The following NEK11 variants were observed in gnomAD, a reference collection of about 807,000 sequenced individuals.
NEK11 encodes the protein NIMA related kinase 11, also known as serine/threonine-protein kinase Nek11.
Under a neutral mutation model 80.7 loss-of-function variants are expected in NEK11, and 72 were observed. That is an observed-to-expected ratio of 0.89 (90% confidence interval 0.74 to 1.08). NEK11 has a LOEUF of 1.08. Ranked by LOEUF, NEK11 falls within the 50% of genes least tolerant of loss-of-function variation. The pLI, the probability that NEK11 is intolerant of heterozygous loss-of-function variation, is 0.00. For synonymous variants in NEK11, 251 were observed against 260.7 expected, an observed-to-expected ratio of 0.96 and a Z score of 0.36; for missense variants, 764 against 763.6, an observed-to-expected ratio of 1.00 and a Z score of -0.01.
rs59658310 is a variant in NEK11 at position 131,031,824 on chromosome 3, C to T, written c.170+1946C>T. Among the ~76,000 whole-genome samples the T allele has an allele frequency of 6.3e-4, 96 of 152,244 alleles. No homozygotes were observed. In the East Asian group the frequency reaches 0.017, roughly 27 times the overall value. ...AGGATAACGGACAAAAATCATTTGG[C>T]ACCAGAAGGTCTAGTCCACAATCTC... is the stretch of plus-strand genomic sequence containing the variant. On this transcript the variant is annotated intron_variant, in intron 3 of 17. Transcript: ENST00000383366.
chr3:131,270,273 C>T (rs985441992), intron 16 of NEK11, among the ~76,000 whole-genome samples: 5 of 152,148 alleles, frequency 3.3e-5, no homozygotes, highest in Admixed American at 2.6e-4. Flanking sequence ...AGCACTGGGC[C>T]CCACAAATTA....
intron 15 of NEK11, among the ~76,000 whole-genome samples, chr3:131,242,427 T>C (rs1405581258): frequency 6.6e-6 from 1 of 152,166 alleles, no homozygotes; most frequent in Non-Finnish European, 1.5e-5. Flanking sequence ...ATGCAGTTAC[T>C]CTCTCAGGCC....
At chr3:131,248,075 G>T (rs1264236854) in intron 16 of NEK11, among the ~76,000 whole-genome samples, 1 of 151,904 alleles carries the variant, frequency 6.6e-6, no homozygotes, top group African/African-American at 2.4e-5. Context: ...TCCAATTTGG[G>T]TGCTATTTAT....
chr3:131,181,740 C>T (rs543810871), intron 14 of NEK11, among the ~76,000 whole-genome samples: 2 of 97,980 alleles, frequency 2.0e-5, no homozygotes, highest in South Asian at 3.9e-4. Context: ...AGCGAGACTC[C>T]GCCTCAAAAA....
At chr3:131,175,948 G>C (rs1199562497) in intron 14 of NEK11, among the ~76,000 whole-genome samples, 1 of 152,194 alleles carries the variant, frequency 6.6e-6, no homozygotes, top group Non-Finnish European at 1.5e-5. Flanking sequence ...TCCAGAAGGT[G>C]ATCACAGGGT....
chr3:131,166,296 A>T (rs1345624977), intron 12 of NEK11, among the ~76,000 whole-genome samples: 1 of 152,188 alleles, frequency 6.6e-6, no homozygotes, highest in African/African-American at 2.4e-5. Context: ...TCTCTCCTTT[A>T]GCAGGAAGCA....
chr3:131,162,271 G>A, intron 10 of NEK11, 137 bp from the exon 11 acceptor site: 1 of 1,032,974 alleles, frequency 9.7e-7, no homozygotes. Flanking sequence ...CATACCCAAA[G>A]CTTATTAGTT....
chr3:131,292,587 C>T (rs2096555620), intron 17 of NEK11, among the ~76,000 whole-genome samples: 1 of 151,092 alleles, frequency 6.6e-6, no homozygotes, highest in African/African-American at 2.4e-5. Context: ...GTGATGATAG[C>T]TCACTGCAGC....
chr3:131,294,526 A>G (rs2096574061), intron 17 of NEK11, among the ~76,000 whole-genome samples: 2 of 151,830 alleles, frequency 1.3e-5, no homozygotes, highest in Admixed American at 1.3e-4. Context: ...GAAGATTTGT[A>G]TTCTGCTGCT....
In NEK11 at chr3:131,243,435, G is replaced by A. The variant is rs1466093474; in HGVS notation, c.1561-1G>A. On this transcript the variant is annotated splice_acceptor_variant, in intron 15 of 17. Transcript: ENST00000383366. LOFTEE classifies it high-confidence loss of function. ...TAAACATTTCTCCCTTATTTTGACA[G>A]GACAGTGATATCGAAGCGTTGGCCA... The A allele has an allele frequency of 6.2e-7, 1 of 1,612,288 alleles. No individual in the cohort carries two copies. The highest frequency in any genetic ancestry group is 8.5e-7 in the Non-Finnish European group (1 of 1,178,876).
At chr3:131,104,184 G>A (rs2149294527) in intron 4 of NEK11, among the ~76,000 whole-genome samples, 1 of 152,240 alleles carries the variant, frequency 6.6e-6, no homozygotes, top group Non-Finnish European at 1.5e-5. Flanking sequence ...TCTAGCCTGG[G>A]TGTTGGGGGT....
intron 11 of NEK11, among the ~76,000 whole-genome samples, chr3:131,164,266 A>G (rs1419002694): frequency 6.6e-6 from 1 of 152,210 alleles, no homozygotes; most frequent in Non-Finnish European, 1.5e-5. Flanking sequence ...TGATATAAAT[A>G]CTTCCACTGT....
intron 4 of NEK11, among the ~76,000 whole-genome samples, chr3:131,101,737 A>G (rs1183821468): frequency 6.6e-6 from 1 of 152,162 alleles, no homozygotes; most frequent in African/African-American, 2.4e-5. Flanking sequence ...AATGTTTATT[A>G]TGTCCAGTGG....
intron 17 of NEK11, among the ~76,000 whole-genome samples, chr3:131,314,319 C>T (rs2096813642): frequency 6.6e-6 from 1 of 152,162 alleles, no homozygotes. Context: ...ATGTTCCACA[C>T]AAGGACCAGG....
chr3:131,272,234 T>A (rs1186572277), intron 16 of NEK11, among the ~76,000 whole-genome samples: 1 of 152,164 alleles, frequency 6.6e-6, no homozygotes, highest in African/African-American at 2.4e-5. Context: ...TTTCATAACA[T>A]GAGTCTCTTC....
At chr3:131,150,680 T>C (rs1366045026) in intron 7 of NEK11, among the ~76,000 whole-genome samples, 1 of 152,028 alleles carries the variant, frequency 6.6e-6, no homozygotes, top group Non-Finnish European at 1.5e-5. Flanking sequence ...GTCATTTGCC[T>C]TATTTTTGTC....
intron 17 of NEK11, among the ~76,000 whole-genome samples, chr3:131,314,822 G>A (rs1351194828): frequency 5.3e-5 from 8 of 152,166 alleles, no homozygotes; most frequent in Admixed American, 4.6e-4. Context: ...CCATACTCAT[G>A]TTTTTAAAAT....
At position 131,063,300 on chromosome 3, in the gene NEK11, C is replaced by T. The variant is rs556296857; in HGVS notation, c.171-17123C>T. On this transcript the variant is annotated intron_variant, in intron 3 of 17. Coordinates refer to ENST00000383366, the MANE Select transcript of NEK11 (RefSeq NM_024800.5). ...TTGGCCTCACAAAGTGCTAGGATTA[C>T]AGTTGTGAGCCACTGCATCTAGCCT... Among the ~76,000 whole-genome samples, 4 of 152,318 alleles carry T rather than the reference C, an allele frequency of 2.6e-5. No individual in the cohort carries two copies. In the East Asian group the frequency reaches 5.8e-4, roughly 22 times the overall value.
chr3:131,242,774 C>G (rs2095538541), intron 15 of NEK11, among the ~76,000 whole-genome samples: 1 of 152,086 alleles, frequency 6.6e-6, no homozygotes, highest in Non-Finnish European at 1.5e-5. Flanking sequence ...TAATACTTTT[C>G]CCAGATCATT....
Sources: gnomAD v4.1 joint callset for allele counts (sites outside exome capture counted in the v4.1 genomes callset) on GRCh38, gnomAD v4.1.1 for gene constraint, MANE v1.5 for transcripts, NCBI Gene and HGNC (gene_info 2026-07-23, HGNC 2026-07-21) for gene names.